DCC: variants seen among roughly 807,000 people sequenced by gnomAD.
DCC encodes the protein DCC netrin 1 receptor.
Under a neutral mutation model 172.5 loss-of-function variants are expected in DCC, and 58 were observed. The ratio of observed to expected loss-of-function variants is 0.34; its 90% CI spans 0.27 to 0.42. DCC has a LOEUF of 0.42. DCC is among the 10% of genes least tolerant of loss of function. The pLI is 1.00. For missense variants in DCC, 1,740 were observed against 1,791.0 expected (o/e 0.97, Z 0.51); for synonymous variants, 709 against 644.5 (o/e 1.10, Z -1.52).
chr18:53,356,193 T>G (rs1204685927), intron 15 of DCC, among the ~76,000 whole-genome samples: 1 of 152,132 alleles, frequency 6.6e-6, no homozygotes, highest in Non-Finnish European at 1.5e-5. Flanking sequence ...GTGCTAGGAT[T>G]TCCAGTGTGA....
At chr18:52,698,802 G>A (rs930031568) in intron 1 of DCC, among the ~76,000 whole-genome samples, 8 of 140,290 alleles carry the variant, frequency 5.7e-5, no homozygotes, top group South Asian at 2.2e-4. Context: ...GTTGAGATGC[G>A]GTTTCACTAT....
intron 1 of DCC, among the ~76,000 whole-genome samples, chr18:52,569,591 C>A (rs1156615182): frequency 1.3e-5 from 2 of 152,108 alleles, no homozygotes; most frequent in Non-Finnish European, 2.9e-5. Flanking sequence ...AGGATACTTG[C>A]ATTAACTTCA....
intron 2 of DCC, among the ~76,000 whole-genome samples, chr18:52,845,241 C>CTG (rs2038866620): frequency 6.6e-6 from 1 of 152,218 alleles, no homozygotes; most frequent in Non-Finnish European, 1.5e-5. Context: ...TTAAAGAAGA[C>CTG]TGAGCTGCCC....
intron 1 of DCC, among the ~76,000 whole-genome samples, chr18:52,390,672 A>G (rs935157703): frequency 6.6e-6 from 1 of 152,054 alleles, no homozygotes; most frequent in Non-Finnish European, 1.5e-5. Flanking sequence ...AAGGAGACTC[A>G]TGGTCTCTTA....
intron 15 of DCC, among the ~76,000 whole-genome samples, chr18:53,359,895 T>TA (rs1298446590): frequency 2.0e-5 from 3 of 152,154 alleles, no homozygotes; most frequent in Non-Finnish European, 4.4e-5. Flanking sequence ...TCGAGGCTTG[T>TA]ATCCCATCTT....
chr18:52,937,386 C>A (rs886853585), intron 5 of DCC, among the ~76,000 whole-genome samples: 2 of 152,188 alleles, frequency 1.3e-5, no homozygotes, highest in Non-Finnish European at 2.9e-5. Context: ...CAACCTACTA[C>A]CTCCTCATTC....
At chr18:52,682,504 T>C (rs2035764669) in intron 1 of DCC, among the ~76,000 whole-genome samples, 1 of 151,978 alleles carries the variant, frequency 6.6e-6, no homozygotes, top group Non-Finnish European at 1.5e-5. Context: ...AGCCACCAAA[T>C]GCTTGTGAGA....
intron 1 of DCC, among the ~76,000 whole-genome samples, chr18:52,348,643 A>G (rs1038296775): frequency 1.3e-5 from 2 of 152,166 alleles, no homozygotes; most frequent in Non-Finnish European, 2.9e-5. Flanking sequence ...TTGCTTTTAG[A>G]CCTTAATATT....
At chr18:52,435,325 T>G (rs1987756430) in intron 1 of DCC, among the ~76,000 whole-genome samples, 2 of 152,256 alleles carry the variant, frequency 1.3e-5, no homozygotes, top group Middle Eastern at 3.4e-3. Flanking sequence ...TAAATAGATC[T>G]GTCTTCCTTC....
chr18:53,215,119 G>A (rs1244707239), intron 11 of DCC, among the ~76,000 whole-genome samples: 1 of 152,076 alleles, frequency 6.6e-6, no homozygotes, highest in Non-Finnish European at 1.5e-5. Context: ...TAAGAAACCT[G>A]GCTGACCATT....
intron 21 of DCC, among the ~76,000 whole-genome samples, chr18:53,430,599 T>C (rs1216893697): frequency 6.6e-6 from 1 of 152,194 alleles, no homozygotes; most frequent in Non-Finnish European, 1.5e-5. Flanking sequence ...ACATTAATGT[T>C]ATTTCATTTT....
At chr18:53,416,495 C>T (rs1599125420) in intron 21 of DCC, 3 of 418,032 alleles carry the variant, frequency 7.2e-6, no homozygotes, top group Non-Finnish European at 4.5e-6. Context: ...TTTCAAGCTG[C>T]TCTTGCACCC....
intron 9 of DCC, among the ~76,000 whole-genome samples, chr18:53,191,354 TTTAAA>T (rs1217328846): frequency 1.8e-4 from 27 of 152,222 alleles, no homozygotes; most frequent in Non-Finnish European, 3.5e-4. Flanking sequence ...CCACAGAGTG[TTTAAA>T]TTAAACAGCT....
At chr18:52,511,139 G>A (rs1274862433) in intron 1 of DCC, among the ~76,000 whole-genome samples, 1 of 151,888 alleles carries the variant, frequency 6.6e-6, no homozygotes, top group Non-Finnish European at 1.5e-5. Context: ...AAATTAGCTG[G>A]GCATGGTGGT....
chr18:53,250,115 A>G (rs1470695606), intron 12 of DCC, among the ~76,000 whole-genome samples: 1 of 151,930 alleles, frequency 6.6e-6, no homozygotes, highest in African/African-American at 2.4e-5. Context: ...TTAAGAGAGA[A>G]CTGTTCCGTT....
chr18:53,499,426 C>T lies in DCC; in HGVS notation c.4027C>T (p.Arg1343Cys), dbSNP rs200534862. ...TACVRPTHPL[R>C]SFANPLLPPP... ...TTGTGTTCGACCAACTCACCCACTC[C>T]GCAGCTTTGCTAATCCTTTGCTACC... Residue 1343 changes from arginine (R) to cysteine (C), a missense_variant, in exon 27 of 29, where the codon CGC becomes TGC. Around this residue, in one of 2 missense-constraint regions of DCC, gnomAD observed 1,732 missense variants for 1,767.4 expected, o/e 0.98. Coordinates refer to ENST00000442544, the MANE Select transcript of DCC (RefSeq NM_005215.4). 169 of 1,614,096 alleles carry T rather than the reference C, an allele frequency of 1.0e-4. No individual in the cohort carries two copies. Among genetic ancestry groups the T allele is most frequent in the South Asian group, 3.6e-4 (33 of 91,080 alleles).
chr18:53,534,352 T>C lies in DCC; in HGVS notation c.*3699T>C, dbSNP rs552803158. 3.3e-5 allele frequency: 5 copies of C among 152,370 alleles called. No individual in the cohort carries two copies. In the East Asian group the frequency reaches 7.7e-4, roughly 24 times the overall value. The allele number at this position is 152,370 out of a possible 1,614,324, so 9.4% of individuals were successfully genotyped here. On this transcript the variant is annotated 3_prime_UTR_variant, in exon 29 of 29. Coordinates refer to ENST00000442544, the MANE Select transcript of DCC (RefSeq NM_005215.4). Reference sequence around the variant, plus strand: ...TAAAATAGATGCAGAGCAGGGTTACTTTCCCTTTCACTCAGTTCCCTTCAT... The same window carrying C: ...TAAAATAGATGCAGAGCAGGGTTACCTTCCCTTTCACTCAGTTCCCTTCAT...
chr18:52,691,548 C>T (rs1334025138), intron 1 of DCC, among the ~76,000 whole-genome samples: 2 of 152,254 alleles, frequency 1.3e-5, no homozygotes, highest in African/African-American at 4.8e-5. Flanking sequence ...CTTGTAGCTA[C>T]ATCACTCCAA....
chr18:53,210,892 A>T (rs1418692556), intron 11 of DCC, among the ~76,000 whole-genome samples: 1 of 152,016 alleles, frequency 6.6e-6, no homozygotes, highest in African/African-American at 2.4e-5. Context: ...TTTTCTGAGT[A>T]GAAACCTTAT....
Sources: gnomAD v4.1 joint callset for allele counts (sites outside exome capture counted in the v4.1 genomes callset) on GRCh38, gnomAD v4.1.1 for gene constraint, gnomAD v4.1.1 regional missense constraint, MANE v1.5 for transcripts, NCBI Gene and HGNC (gene_info 2026-07-23, HGNC 2026-07-21) for gene names.